ATP8A2: variants seen among roughly 807,000 people sequenced by gnomAD.
ATP8A2 encodes phospholipid-transporting ATPase IB.
ATP8A2 carries 100 observed loss-of-function variants against 165.6 expected under a neutral mutation model. The observed-to-expected ratio is 0.60, with a 90% CI of 0.51 to 0.71. ATP8A2 has a LOEUF of 0.71. Ranked by LOEUF, ATP8A2 falls within the 30% of genes least tolerant of loss-of-function variation. The pLI, the probability that ATP8A2 is intolerant of heterozygous loss-of-function variation, is 0.00. For missense variants in ATP8A2, 1,227 were observed against 1,479.5 expected (o/e 0.83, Z 2.80); for synonymous variants, 543 against 548.8 (o/e 0.99, Z 0.15).
intron 25 of ATP8A2, among the ~76,000 whole-genome samples, chr13:25,764,110 T>C (rs1478087099): frequency 6.6e-6 from 1 of 152,232 alleles, no homozygotes; most frequent in African/African-American, 2.4e-5. Flanking sequence ...TGAAATCTTC[T>C]GATATATTGG....
rs564195975 is a variant in ATP8A2 at position 25,691,975 on chromosome 13, A to G, written c.2212-7198A>G. 2.0e-5 allele frequency among the ~76,000 whole-genome samples: 3 copies of G among 152,340 alleles called. No individual in the cohort carries two copies. The East Asian group carries it at 5.8e-4, about 29-fold the overall frequency. The stretch of plus-strand genomic sequence containing the variant: ...TTAGTGCTGTCAAGAAAGAGGTGTG[A>G]TTATGTTGGAAATGAACATGATAGT... On this transcript the variant is annotated intron_variant, in intron 24 of 36. Transcript: ENST00000381655.
chr13:25,556,353 C>T (rs1305861464), intron 13 of ATP8A2, among the ~76,000 whole-genome samples: 1 of 152,122 alleles, frequency 6.6e-6, no homozygotes, highest in African/African-American at 2.4e-5. Flanking sequence ...ATTTGCACTC[C>T]TCTGATGATT....
At chr13:25,476,869 C>A (rs1230167089) in intron 2 of ATP8A2, among the ~76,000 whole-genome samples, 15 of 152,160 alleles carry the variant, frequency 9.9e-5, no homozygotes, top group African/African-American at 3.4e-4. Flanking sequence ...GATGTACCAG[C>A]AGCAATTAAT....
intron 9 of ATP8A2, among the ~76,000 whole-genome samples, chr13:25,542,600 G>C (rs9581386): frequency 0.064 from 9,669 of 152,018 alleles, 404 homozygotes; most frequent in South Asian, 0.13. Flanking sequence ...TGTTTGTCTA[G>C]AGCCTCTTGC....
intron 1 of ATP8A2, among the ~76,000 whole-genome samples, chr13:25,467,696 C>T (rs2035707531): frequency 6.6e-6 from 1 of 152,088 alleles, no homozygotes; most frequent in African/African-American, 2.4e-5. Context: ...GGCCTACAGG[C>T]GCCCTCCACC....
intron 35 of ATP8A2, among the ~76,000 whole-genome samples, chr13:26,011,055 G>A (rs144797809): frequency 2.0e-4 from 31 of 152,244 alleles, no homozygotes; most frequent in Non-Finnish European, 4.0e-4. Flanking sequence ...CTCACTGATC[G>A]ATCGGGGGCA....
chr13:25,855,620 C>T (rs12866445), intron 30 of ATP8A2, among the ~76,000 whole-genome samples: 29,660 of 152,082 alleles, frequency 0.2, 3,177 homozygotes, highest in Middle Eastern at 0.24. Context: ...GGTGCTATAG[C>T]TTTTAAGTAC....
intron 27 of ATP8A2, among the ~76,000 whole-genome samples, chr13:25,791,912 G>A (rs2045190028): frequency 6.6e-6 from 1 of 151,804 alleles, no homozygotes; most frequent in South Asian, 2.1e-4. Flanking sequence ...CTTTTTTTGT[G>A]GGAGACTTGC....
At chr13:26,001,398 A>G (rs9319269) in intron 35 of ATP8A2, among the ~76,000 whole-genome samples, 44,614 of 152,060 alleles carry the variant, frequency 0.29, 6,636 homozygotes, top group African/African-American at 0.33. Flanking sequence ...ATTCTTAGGA[A>G]TGGAATTGGT....
At chr13:25,650,186 C>T (rs2041777186) in intron 24 of ATP8A2, among the ~76,000 whole-genome samples, 1 of 152,200 alleles carries the variant, frequency 6.6e-6, no homozygotes, top group Non-Finnish European at 1.5e-5. Context: ...CTCACCCTTT[C>T]CATGCGGCTT....
rs141442921 is a variant in ATP8A2, at chr13:25,500,593, A to AT, written c.222-29396dup. 9.1e-3 allele frequency among the ~76,000 whole-genome samples: 1,360 copies of AT among 150,174 alleles called. 13 individuals are homozygous for AT. The highest frequency in any genetic ancestry group is 0.025 in the African/African-American group (1,044 of 40,994). On this transcript the variant is annotated intron_variant, in intron 2 of 36. Transcript: ENST00000381655. ...GTGGTAACTTGAGGCCCAATATATA[A>AT]TTTTTTTTTTGAGACAGGGTCTCAC... is the stretch of plus-strand genomic sequence containing the variant.
chr13:25,477,551 A>G (rs2036029334), intron 2 of ATP8A2, among the ~76,000 whole-genome samples: 1 of 152,222 alleles, frequency 6.6e-6, no homozygotes, highest in Non-Finnish European at 1.5e-5. Context: ...AGTTTTGACA[A>G]TTGTGCTATG....
chr13:25,496,866 G>A (rs544188086), intron 2 of ATP8A2, among the ~76,000 whole-genome samples: 2 of 152,274 alleles, frequency 1.3e-5, no homozygotes, highest in East Asian at 3.9e-4. Context: ...AATATCAGGA[G>A]GAAATGGGAA....
chr13:25,825,450 T>C (rs1441210735), intron 27 of ATP8A2, among the ~76,000 whole-genome samples: 2 of 152,092 alleles, frequency 1.3e-5, no homozygotes, highest in African/African-American at 4.8e-5. Flanking sequence ...TAAGTCACTA[T>C]GCCCAGGCTC....
chr13:25,551,956 GA>G (rs938293067), intron 11 of ATP8A2, among the ~76,000 whole-genome samples: 55 of 151,460 alleles, frequency 3.6e-4, no homozygotes, highest in African/African-American at 1.3e-3. Context: ...GAAGCTAAAG[GA>G]AAAAAGAAAA....
At position 25,540,314 on chromosome 13, in the gene ATP8A2, C is replaced by G; in HGVS notation, c.582-5C>G. On this transcript the variant is annotated splice_region_variant and splice_polypyrimidine_tract_variant and intron_variant, in intron 7 of 36. Coordinates refer to ENST00000381655, the MANE Select transcript of ATP8A2 (RefSeq NM_016529.6). ...AAACTTGGCTCTTTTTTTCTCTCTC[C>G]TTAGTGAACCTCAGGCAATGTGTTA... 6.2e-7 allele frequency: 1 copy of G among 1,611,952 alleles called. No homozygotes were observed. The highest frequency in any genetic ancestry group is 8.5e-7 in the Non-Finnish European group (1 of 1,178,258).
chr13:25,686,254 C>T (rs961395961), intron 24 of ATP8A2, among the ~76,000 whole-genome samples: 2 of 152,170 alleles, frequency 1.3e-5, no homozygotes, highest in African/African-American at 4.8e-5. Context: ...TGTTGGAAAT[C>T]AGAGAGAATA....
chr13:26,012,070 TC>T (rs1728776061), intron 35 of ATP8A2, among the ~76,000 whole-genome samples: 1 of 26,660 alleles, frequency 3.8e-5, no homozygotes, highest in Admixed American at 5.1e-4. Context: ...AGAAGAAAAC[TC>T]GCCTTGATGT....
chr13:26,023,737 T>G lies in ATP8A2; in HGVS notation c.*3752T>G, dbSNP rs2139392537. 6.6e-6 allele frequency: 1 copy of G among 152,328 alleles called. No homozygotes were observed. The highest frequency in any genetic ancestry group is 2.1e-4 in the South Asian group (1 of 4,824). 9.4% of individuals were successfully genotyped at this position (152,328 alleles called of 1,614,324 possible). On this transcript the variant is annotated 3_prime_UTR_variant, in exon 37 of 37. Coordinates refer to ENST00000381655, the MANE Select transcript of ATP8A2 (RefSeq NM_016529.6). ...AACACTGCTATAGGATAAGGTGGTCTTTAGTTTTGAACGTGTGAAAGGACT... is the reference window on the plus strand; with the variant it reads ...AACACTGCTATAGGATAAGGTGGTCGTTAGTTTTGAACGTGTGAAAGGACT...
Sources: allele counts gnomAD v4.1 joint callset (sites outside exome capture counted in the v4.1 genomes callset), GRCh38; gene constraint gnomAD v4.1.1; transcripts MANE v1.5; gene names NCBI Gene and HGNC (gene_info 2026-07-23, HGNC 2026-07-21).